HTR2C: variants seen among roughly 807,000 people sequenced by gnomAD.
HTR2C encodes the protein 5-hydroxytryptamine receptor 2C.
HTR2C carries 5 observed loss-of-function variants against 21.0 expected under a neutral mutation model. The observed-to-expected ratio is 0.24, with a 90% CI of 0.12 to 0.50. The LOEUF is 0.50. Among genes scored for constraint, HTR2C ranks in the 20% least tolerant of loss-of-function variants. HTR2C has a pLI of 0.98. For synonymous variants in HTR2C, 150 were observed against 145.3 expected (o/e 1.03, Z -0.23); for missense variants, 271 against 371.2 (o/e 0.73, Z 2.22).
chrX:114,738,060 T>C (rs1556424812), intron 4 of HTR2C, among the ~76,000 whole-genome samples: 1 of 111,889 alleles, frequency 8.9e-6, no homozygotes, highest in African/African-American at 3.2e-5. Context: ...GTCATGTGAA[T>C]TGAAAAAACT....
At chrX:114,897,667 T>G (rs2071307129) in intron 5 of HTR2C, among the ~76,000 whole-genome samples, 1 of 112,346 alleles carries the variant, frequency 8.9e-6, no homozygotes, top group African/African-American at 3.2e-5. Context: ...TTTGCTTTTC[T>G]GTTCCTGTGT....
At chrX:114,616,414 G>T (rs1928951652) in intron 2 of HTR2C, among the ~76,000 whole-genome samples, 1 of 110,181 alleles carries the variant, frequency 9.1e-6, no homozygotes, top group Admixed American at 9.8e-5. Flanking sequence ...AGCCTCTTGG[G>T]TAGCTGGGAT....
chrX:114,722,857 G>A (rs1349208717), intron 2 of HTR2C, among the ~76,000 whole-genome samples: 2 of 108,158 alleles, frequency 1.8e-5, no homozygotes, highest in East Asian at 5.8e-4. Flanking sequence ...GCATCCCAGG[G>A]ATGAAGCCCA....
Position 114,848,222 on chromosome X carries a change from C to A in HTR2C, c.550+19C>A, listed in dbSNP as rs375083006. 5 of 1,138,253 alleles carry A rather than the reference C, an allele frequency of 4.4e-6. No individual in the cohort carries two copies. The highest frequency in any genetic ancestry group is 4.8e-6 in the Non-Finnish European group (4 of 830,774). The allele number at this position is 1,138,253 out of a possible 1,213,427, so 93.8% of individuals were successfully genotyped here. ...TCTATAGGTAAATAAAACTTTTTGGCCATAAGAATTGCAGCGGCTATGCTC... is the reference window on the plus strand; with the variant it reads ...TCTATAGGTAAATAAAACTTTTTGGACATAAGAATTGCAGCGGCTATGCTC... On this transcript the variant is annotated intron_variant, in intron 5 of 5. Transcript: ENST00000276198.
intron 2 of HTR2C, among the ~76,000 whole-genome samples, chrX:114,640,146 TAATC>T (rs1324349245): frequency 8.9e-6 from 1 of 111,881 alleles, no homozygotes; most frequent in Non-Finnish European, 1.9e-5. Context: ...TTTCCATTCA[TAATC>T]TATTTATCTT....
intron 2 of HTR2C, among the ~76,000 whole-genome samples, chrX:114,615,882 C>G (rs1035813386): frequency 8.1e-5 from 9 of 111,628 alleles, no homozygotes; most frequent in African/African-American, 2.6e-4. Context: ...CATAATGTGG[C>G]AATATCTTAC....
chrX:114,722,070 T>C lies in HTR2C; in HGVS notation c.-79-4788T>C, dbSNP rs1295806212. Among the ~76,000 whole-genome samples the C allele has an allele frequency of 3.2e-3, 347 of 110,009 alleles. 1 individual carries two copies. Among genetic ancestry groups the C allele is most frequent in the Non-Finnish European group, 5.1e-3 (271 of 52,713 alleles). On this transcript the variant is annotated intron_variant, in intron 2 of 5. Coordinates refer to ENST00000276198, the MANE Select transcript of HTR2C (RefSeq NM_000868.4). ...TATTGTGAAGAAAGTCCTTGGTAGC[T>C]TGATGGGGATGGCATTGAATCTGTA...
At chrX:114,725,844 A>G (rs1374658703) in intron 2 of HTR2C, among the ~76,000 whole-genome samples, 1 of 110,439 alleles carries the variant, frequency 9.1e-6, no homozygotes, top group African/African-American at 3.3e-5. Flanking sequence ...AGGGGTCAGG[A>G]ACCCACTTGA....
chrX:114,745,041 A>G (rs1035463638), intron 4 of HTR2C, among the ~76,000 whole-genome samples: 2 of 112,085 alleles, frequency 1.8e-5, no homozygotes, highest in African/African-American at 6.5e-5. Context: ...AGACCCACAG[A>G]AGGGGAGAAA....
intron 1 of HTR2C, among the ~76,000 whole-genome samples, chrX:114,610,691 GA>G (rs1199383811): frequency 1.8e-5 from 2 of 111,460 alleles, no homozygotes; most frequent in Admixed American, 9.6e-5. Flanking sequence ...CCTACAAAGG[GA>G]AAAAAATCAG....
chrX:114,723,616 A>G (rs1933316507), intron 2 of HTR2C, among the ~76,000 whole-genome samples: 1 of 107,517 alleles, frequency 9.3e-6, no homozygotes, highest in Admixed American at 1.0e-4. Context: ...TTAGGGTGTC[A>G]ATTTTGGATC....
At chrX:114,800,533 A>G (rs1367523586) in intron 4 of HTR2C, among the ~76,000 whole-genome samples, 4 of 111,030 alleles carry the variant, frequency 3.6e-5, no homozygotes, top group African/African-American at 9.8e-5. Flanking sequence ...ATTGATGGAG[A>G]ATGTAAGCAT....
chrX:114,704,176 A>G (rs1242913510), intron 2 of HTR2C, among the ~76,000 whole-genome samples: 1 of 111,805 alleles, frequency 8.9e-6, no homozygotes, highest in Non-Finnish European at 1.9e-5. Context: ...TCCAATCAAT[A>G]GAAAAAGAGG....
At chrX:114,587,961 A>G (rs998199864) in intron 1 of HTR2C, among the ~76,000 whole-genome samples, 5 of 112,469 alleles carry the variant, frequency 4.4e-5, no homozygotes, top group African/African-American at 6.5e-5. Flanking sequence ...CACAAACGAC[A>G]TAGTGAAATC....
At chrX:114,586,336 T>C (rs1556389669) in intron 1 of HTR2C, among the ~76,000 whole-genome samples, 1 of 112,026 alleles carries the variant, frequency 8.9e-6, no homozygotes, top group Non-Finnish European at 1.9e-5. Context: ...AATAATTTTG[T>C]CCATATTTTG....
At chrX:114,886,874 GC>G (rs1269450022) in intron 5 of HTR2C, among the ~76,000 whole-genome samples, 2 of 110,785 alleles carry the variant, frequency 1.8e-5, no homozygotes, top group Non-Finnish European at 3.8e-5. Flanking sequence ...TTATAGCTTT[GC>G]CCCCACCTAC....
chrX:114,791,711 ACTTAC>A (rs1399842808), intron 4 of HTR2C, among the ~76,000 whole-genome samples: 1 of 111,434 alleles, frequency 9.0e-6, no homozygotes, highest in Non-Finnish European at 1.9e-5. Context: ...AAAGCATAGT[ACTTAC>A]CTTAAAGGAA....
intron 2 of HTR2C, among the ~76,000 whole-genome samples, chrX:114,666,062 T>G (rs1459300656): frequency 1.8e-5 from 2 of 112,107 alleles, no homozygotes; most frequent in African/African-American, 6.5e-5. Context: ...CTCTCTTCCA[T>G]CTTTATCATT....
chrX:114,706,811 A>G, intron 2 of HTR2C, among the ~76,000 whole-genome samples: 1 of 111,490 alleles, frequency 9.0e-6, no homozygotes, highest in Non-Finnish European at 1.9e-5. Flanking sequence ...CTCTTTTTAT[A>G]ATGGGTTGGA....
Sources: allele counts gnomAD v4.1 joint callset (sites outside exome capture counted in the v4.1 genomes callset), GRCh38; gene constraint gnomAD v4.1.1; transcripts MANE v1.5; gene names NCBI Gene and HGNC (gene_info 2026-07-23, HGNC 2026-07-21).